Variants in RALGAPA2 observed in about 807,000 individuals in gnomAD.
RALGAPA2 encodes the protein ral GTPase-activating protein subunit alpha-2.
RALGAPA2 carries 139 observed loss-of-function variants against 230.4 expected under a neutral mutation model. The observed-to-expected ratio is 0.60, with a 90% CI of 0.53 to 0.69. RALGAPA2 has a LOEUF of 0.69. RALGAPA2 is among the 30% of genes least tolerant of loss of function. The pLI is 0.00. For synonymous variants in RALGAPA2, 847 were observed against 837.8 expected, an observed-to-expected ratio of 1.01 and a Z score of -0.19; for missense variants, 2,163 against 2,276.0, an observed-to-expected ratio of 0.95 and a Z score of 1.01.
chr20:20,524,732 T>A, intron 29 of RALGAPA2, 98 bp downstream of exon 29: 4 of 1,232,388 alleles, frequency 3.2e-6, no homozygotes, highest in Non-Finnish European at 4.5e-6. Flanking sequence ...TAGAGAAGGA[T>A]ATTACAAAGG....
intron 37 of RALGAPA2, among the ~76,000 whole-genome samples, chr20:20,413,859 G>T (rs1292912586): frequency 1.3e-5 from 2 of 152,248 alleles, no homozygotes; most frequent in African/African-American, 2.4e-5. Context: ...TGAACTCCTG[G>T]TGACTCGCCT....
intron 27 of RALGAPA2, among the ~76,000 whole-genome samples, chr20:20,528,629 C>T (rs1484186508): frequency 6.6e-6 from 1 of 152,118 alleles, no homozygotes; most frequent in African/African-American, 2.4e-5. Flanking sequence ...TTAGAACCAC[C>T]TCCCCCAACC....
intron 9 of RALGAPA2, among the ~76,000 whole-genome samples, chr20:20,630,661 T>C (rs1262268983): frequency 1.3e-5 from 2 of 152,230 alleles, no homozygotes; most frequent in Non-Finnish European, 2.9e-5. Context: ...ATTTTATTCT[T>C]TTTCTATCTG....
chr20:20,646,098 A>G (rs1264752784), intron 4 of RALGAPA2, among the ~76,000 whole-genome samples: 1 of 151,444 alleles, frequency 6.6e-6, no homozygotes, highest in Non-Finnish European at 1.5e-5. Flanking sequence ...TCTGTAGCCT[A>G]AACTGGAGTG....
At chr20:20,638,530 T>G (rs778966220) in intron 7 of RALGAPA2, among the ~76,000 whole-genome samples, 16 of 152,312 alleles carry the variant, frequency 1.1e-4, no homozygotes, top group Non-Finnish European at 1.9e-4. Flanking sequence ...ACAGTCTGCA[T>G]GCAAACCTCT....
At chr20:20,602,428 A>G (rs2065684409) in intron 15 of RALGAPA2, among the ~76,000 whole-genome samples, 1 of 152,198 alleles carries the variant, frequency 6.6e-6, no homozygotes, top group Non-Finnish European at 1.5e-5. Context: ...TTTTCCTCAT[A>G]TTGTTCTGGT....
chr20:20,419,300 G>A (rs2060228741), intron 37 of RALGAPA2, among the ~76,000 whole-genome samples: 1 of 152,090 alleles, frequency 6.6e-6, no homozygotes, highest in Non-Finnish European at 1.5e-5. Context: ...GGGCAATTTG[G>A]CCAGAATGAA....
chr20:20,415,018 C>T (rs532249192), intron 37 of RALGAPA2, among the ~76,000 whole-genome samples: 3 of 152,334 alleles, frequency 2.0e-5, no homozygotes, highest in East Asian at 1.9e-4. Context: ...GCTCTGGCAG[C>T]GTTTAGAAAC....
intron 27 of RALGAPA2, among the ~76,000 whole-genome samples, chr20:20,527,833 T>C (rs1217910482): frequency 6.6e-6 from 1 of 152,136 alleles, no homozygotes; most frequent in Non-Finnish European, 1.5e-5. Context: ...TGGGAGAACA[T>C]GAGTGGGCAC....
At chr20:20,573,503 T>C (rs1402848011) in intron 20 of RALGAPA2, among the ~76,000 whole-genome samples, 1 of 152,122 alleles carries the variant, frequency 6.6e-6, no homozygotes, top group Non-Finnish European at 1.5e-5. Flanking sequence ...TTTAAGGAGT[T>C]TTAAGGAATG....
intron 37 of RALGAPA2, among the ~76,000 whole-genome samples, chr20:20,440,677 T>C (rs950463957): frequency 6.6e-6 from 1 of 152,214 alleles, no homozygotes; most frequent in African/African-American, 2.4e-5. Context: ...AATCACGCTG[T>C]TTATTCCACT....
chr20:20,523,815 C>G (rs369479790), intron 30 of RALGAPA2, among the ~76,000 whole-genome samples: 2 of 152,106 alleles, frequency 1.3e-5, no homozygotes, highest in East Asian at 3.8e-4. Flanking sequence ...AGACATAGAA[C>G]ATGTTCCATG....
At chr20:20,624,995 C>T (rs2066446206) in intron 10 of RALGAPA2, among the ~76,000 whole-genome samples, 1 of 152,188 alleles carries the variant, frequency 6.6e-6, no homozygotes, top group South Asian at 2.1e-4. Context: ...TCTCAACTGA[C>T]GTCTGTCTGG....
At chr20:20,673,036 T>A (rs1028475897) in intron 3 of RALGAPA2, among the ~76,000 whole-genome samples, 2 of 151,324 alleles carry the variant, frequency 1.3e-5, no homozygotes, top group African/African-American at 4.9e-5. Context: ...TACAAAAAAA[T>A]TAGCTGGGTG....
chr20:20,653,364 C>T (rs1035833379), intron 4 of RALGAPA2, among the ~76,000 whole-genome samples, 166 bp downstream of exon 4: 1 of 152,078 alleles, frequency 6.6e-6, no homozygotes, highest in African/African-American at 2.4e-5. Flanking sequence ...ACATATTTGT[C>T]TCCAAAGTCA....
chr20:20,608,325 T>C (rs2065883792), intron 14 of RALGAPA2, among the ~76,000 whole-genome samples: 1 of 152,200 alleles, frequency 6.6e-6, no homozygotes, highest in Admixed American at 6.5e-5. Context: ...AGTTTCCTGA[T>C]ATACCATCAG....
chr20:20,690,336 C>T (rs1227366895), intron 1 of RALGAPA2, among the ~76,000 whole-genome samples: 1 of 151,940 alleles, frequency 6.6e-6, no homozygotes, highest in East Asian at 1.9e-4. Context: ...ATTCCCTCCT[C>T]CTTACCTAGC....
intron 38 of RALGAPA2, among the ~76,000 whole-genome samples, chr20:20,407,639 GAGA>G (rs2059974070): frequency 6.6e-6 from 1 of 152,222 alleles, no homozygotes; most frequent in South Asian, 2.1e-4. Context: ...GCAGTTTTAG[GAGA>G]AGATTTTATT....
intron 12 of RALGAPA2, among the ~76,000 whole-genome samples, chr20:20,618,412 T>C (rs2066217246): frequency 6.6e-6 from 1 of 152,144 alleles, no homozygotes; most frequent in African/African-American, 2.4e-5. Context: ...TTCAAAATTA[T>C]GTGTAGGTTT....
Sources: allele counts gnomAD v4.1 joint callset (sites outside exome capture counted in the v4.1 genomes callset), GRCh38; gene constraint gnomAD v4.1.1; transcripts MANE v1.5; gene names NCBI Gene and HGNC (gene_info 2026-07-23, HGNC 2026-07-21).